Variants in MEIS2 observed in about 807,000 individuals in gnomAD.
MEIS2 encodes the protein homeobox protein Meis2.
In MEIS2, 9 loss-of-function variants were observed where a neutral mutation model predicts 58.6. That is an observed-to-expected ratio of 0.15 (90% CI 0.09 to 0.27). The LOEUF is 0.27. Ranked by LOEUF, MEIS2 falls within the 10% of genes least tolerant of loss-of-function variation. The probability of loss-of-function intolerance (pLI) is 1.00; values close to 1 mark genes in which losing one functional copy is unlikely to be tolerated. For synonymous variants in MEIS2, 221 were observed against 228.4 expected (o/e 0.97, Z 0.29); for missense variants, 427 against 635.0 (o/e 0.67, Z 3.52).
chr15:36,919,409 TC>T lies in MEIS2; in HGVS notation c.978-22724del, dbSNP rs550915698. On this transcript the variant is annotated intron_variant, in intron 9 of 11. Transcript: ENST00000561208. ...GCCTGACCAACATGGAGAAACCCTG[TC>T]TCTACCAAAAATACAAAATTAGCTG... Among the ~76,000 whole-genome samples, 3 of 152,058 alleles carry T rather than the reference TC, an allele frequency of 2.0e-5. No homozygotes were observed. The South Asian group carries it at 6.2e-4, about 32-fold the overall frequency.
intron 8 of MEIS2, among the ~76,000 whole-genome samples, chr15:37,015,773 T>C (rs910111665): frequency 1.3e-5 from 2 of 152,136 alleles, no homozygotes; most frequent in African/African-American, 4.8e-5. Context: ...AGAGCACCAG[T>C]GCAAACAAAA....
intron 8 of MEIS2, among the ~76,000 whole-genome samples, chr15:36,956,089 G>T (rs965762757): frequency 6.8e-6 from 1 of 147,682 alleles, no homozygotes; most frequent in Non-Finnish European, 1.5e-5. Flanking sequence ...CCAGCTACTC[G>T]GGAGGCTGAG....
intron 8 of MEIS2, among the ~76,000 whole-genome samples, chr15:36,952,064 C>G (rs957941091): frequency 6.6e-6 from 1 of 152,184 alleles, no homozygotes; most frequent in Non-Finnish European, 1.5e-5. Context: ...ATGACAAATA[C>G]TCCTCCTAAC....
intron 9 of MEIS2, among the ~76,000 whole-genome samples, chr15:36,927,474 A>G (rs964050371): frequency 2.0e-5 from 3 of 152,228 alleles, no homozygotes; most frequent in African/African-American, 7.2e-5. Flanking sequence ...TGGGATTACC[A>G]TAAAATAACA....
At chr15:37,017,997 G>T (rs1001942828) in intron 8 of MEIS2, among the ~76,000 whole-genome samples, 4 of 152,138 alleles carry the variant, frequency 2.6e-5, no homozygotes, top group African/African-American at 9.7e-5. Context: ...CAGGCAATGT[G>T]GTAAGTGCCT....
chr15:36,914,557 G>T (rs557546676), intron 9 of MEIS2, among the ~76,000 whole-genome samples: 1 of 152,304 alleles, frequency 6.6e-6, no homozygotes, highest in Admixed American at 6.5e-5. Context: ...CTGATGTGAA[G>T]GTTAGTAGAG....
In MEIS2 at chr15:36,911,585, A is replaced by G. The variant is rs1294462471; in HGVS notation, c.978-14899T>C. 3.9e-5 allele frequency among the ~76,000 whole-genome samples: 6 copies of G among 152,212 alleles called. No individual in the cohort carries two copies. In the East Asian group the frequency reaches 1.2e-3, roughly 29 times the overall value. ...CCCAATCAATTCTACTTTCTTGTTT[A>G]CAGAGCTTACAAGTACAAAATCAGC... On this transcript the variant is annotated intron_variant, in intron 9 of 11. Transcript: ENST00000561208.
chr15:36,954,363 T>C (rs961262597), intron 8 of MEIS2, among the ~76,000 whole-genome samples: 1 of 150,704 alleles, frequency 6.6e-6, no homozygotes, highest in African/African-American at 2.4e-5. Flanking sequence ...GAGTAGAAAC[T>C]TTTTGTTTAT....
intron 7 of MEIS2, among the ~76,000 whole-genome samples, chr15:37,041,133 T>A (rs1402309734): frequency 6.6e-6 from 1 of 152,146 alleles, no homozygotes; most frequent in Admixed American, 6.5e-5. Context: ...AGTCTTCTGG[T>A]AGTAAGGGTT....
At chr15:36,997,751 G>T (rs2141585613) in intron 8 of MEIS2, among the ~76,000 whole-genome samples, 1 of 152,192 alleles carries the variant, frequency 6.6e-6, no homozygotes, top group Non-Finnish European at 1.5e-5. Context: ...AAAGAGCTGG[G>T]ATTACAGGCA....
At chr15:36,909,648 GT>G (rs1198746296) in intron 9 of MEIS2, among the ~76,000 whole-genome samples, 2 of 152,132 alleles carry the variant, frequency 1.3e-5, no homozygotes, top group African/African-American at 4.8e-5. Context: ...TTAGTTAAAG[GT>G]GCGAATCTAT....
At chr15:37,048,524 T>C (rs1183623679) in intron 7 of MEIS2, among the ~76,000 whole-genome samples, 1 of 152,088 alleles carries the variant, frequency 6.6e-6, no homozygotes. Context: ...TAAGATGATA[T>C]TGCTCTGTGA....
At chr15:37,074,624 G>T (rs1027027597) in intron 7 of MEIS2, among the ~76,000 whole-genome samples, 6 of 151,970 alleles carry the variant, frequency 3.9e-5, no homozygotes, top group Non-Finnish European at 8.8e-5. Context: ...AGGACAAAGG[G>T]AAGAGAGAGA....
At chr15:36,916,999 A>T (rs1451556508) in intron 9 of MEIS2, among the ~76,000 whole-genome samples, 4 of 152,162 alleles carry the variant, frequency 2.6e-5, no homozygotes, top group Admixed American at 2.6e-4. Flanking sequence ...ACACTCATGC[A>T]CACATATGCG....
intron 9 of MEIS2, among the ~76,000 whole-genome samples, chr15:36,934,886 A>G (rs916961403): frequency 6.6e-6 from 1 of 152,206 alleles, no homozygotes; most frequent in African/African-American, 2.4e-5. Flanking sequence ...GGATTAGAAT[A>G]CATTGTAAGT....
At chr15:36,954,451 TTGTAATTATA>T (rs1485071262) in intron 8 of MEIS2, among the ~76,000 whole-genome samples, 4 of 144,892 alleles carry the variant, frequency 2.8e-5, no homozygotes, top group East Asian at 2.0e-4. Flanking sequence ...TTATAATTAA[TTGTAATTATA>T]TATAATTATA....
intron 8 of MEIS2, among the ~76,000 whole-genome samples, chr15:37,031,815 T>TTTTGTG (rs2061937965): frequency 7.5e-6 from 1 of 134,126 alleles, no homozygotes; most frequent in Non-Finnish European, 1.6e-5. Flanking sequence ...TTACATCACT[T>TTTTGTG]TGTGTGTGTG....
At chr15:36,957,608 T>G (rs905502737) in intron 8 of MEIS2, among the ~76,000 whole-genome samples, 1 of 152,234 alleles carries the variant, frequency 6.6e-6, no homozygotes, top group Non-Finnish European at 1.5e-5. Flanking sequence ...TCTTGTGTTT[T>G]TATTCACTTC....
intron 8 of MEIS2, among the ~76,000 whole-genome samples, chr15:37,014,838 T>A (rs1428665032): frequency 1.2e-5 from 1 of 80,114 alleles, no homozygotes; most frequent in East Asian, 4.2e-4. Context: ...AGGTCATAGG[T>A]CTAAGGGTTT....
Sources: allele counts gnomAD v4.1 joint callset (sites outside exome capture counted in the v4.1 genomes callset), GRCh38; gene constraint gnomAD v4.1.1; transcripts MANE v1.5; gene names NCBI Gene and HGNC (gene_info 2026-07-23, HGNC 2026-07-21).